Variants in DYNC1I1 observed in about 807,000 individuals in gnomAD.
DYNC1I1 encodes the protein dynein cytoplasmic 1 intermediate chain 1.
DYNC1I1 carries 43 observed loss-of-function variants against 86.6 expected under a neutral mutation model. The ratio of observed to expected loss-of-function variants is 0.50; its 90% confidence interval spans 0.39 to 0.64. The LOEUF is 0.64. Among genes scored for constraint, DYNC1I1 ranks in the 30% least tolerant of loss-of-function variants. The pLI is 0.00. For missense variants in DYNC1I1, 604 were observed against 788.8 expected (o/e 0.77, Z 2.81); for synonymous variants, 262 against 283.7 (o/e 0.92, Z 0.77).
intron 14 of DYNC1I1, among the ~76,000 whole-genome samples, chr7:96,062,329 T>A (rs747530991): frequency 2.0e-5 from 3 of 152,204 alleles, no homozygotes; most frequent in African/African-American, 7.2e-5. Flanking sequence ...GAGACAGACA[T>A]GTTTTGGTTG....
intron 14 of DYNC1I1, among the ~76,000 whole-genome samples, chr7:96,052,431 T>G (rs980198700): frequency 3.3e-5 from 5 of 152,132 alleles, no homozygotes; most frequent in Non-Finnish European, 5.9e-5. Flanking sequence ...GTTAGTACTC[T>G]CTAGCTGTGT....
At chr7:95,899,593 G>A (rs1385557849) in intron 6 of DYNC1I1, among the ~76,000 whole-genome samples, 1 of 152,190 alleles carries the variant, frequency 6.6e-6, no homozygotes, top group Admixed American at 6.5e-5. Context: ...CTTGAAAAAT[G>A]GAGATGGAGA....
chr7:95,793,116 A>G (rs1794348251), intron 1 of DYNC1I1, among the ~76,000 whole-genome samples: 1 of 152,162 alleles, frequency 6.6e-6, no homozygotes, highest in East Asian at 1.9e-4. Flanking sequence ...AGGACGTATC[A>G]TCAGGGCGCA....
intron 15 of DYNC1I1, 100 bp downstream of exon 15, chr7:96,076,297 C>T (rs1487360012): frequency 2.7e-6 from 4 of 1,491,732 alleles, no homozygotes; most frequent in Non-Finnish European, 3.6e-6. Flanking sequence ...CTTTTTTGGA[C>T]AGACCTTCCA....
chr7:96,063,215 G>C (rs1789844009), intron 14 of DYNC1I1, among the ~76,000 whole-genome samples: 1 of 151,878 alleles, frequency 6.6e-6, no homozygotes, highest in Non-Finnish European at 1.5e-5. Flanking sequence ...CGTAGTCATT[G>C]ATTGCAAAGG....
chr7:95,998,660 G>A (rs1793932317), intron 10 of DYNC1I1, among the ~76,000 whole-genome samples: 1 of 152,216 alleles, frequency 6.6e-6, no homozygotes, highest in African/African-American at 2.4e-5. Context: ...CTTAGAAAAA[G>A]GGCAGAGGTA....
chr7:95,791,718 A>G (rs10265425), intron 1 of DYNC1I1, among the ~76,000 whole-genome samples: 28,643 of 152,202 alleles, frequency 0.19, 2,817 homozygotes, highest in East Asian at 0.27. Flanking sequence ...ATTTTGCTAA[A>G]TCATCCTTTT....
chr7:95,890,057 A>G (rs139345776), intron 6 of DYNC1I1, among the ~76,000 whole-genome samples: 37 of 152,296 alleles, frequency 2.4e-4, no homozygotes, highest in African/African-American at 8.4e-4. Context: ...ATAGCGAAAA[A>G]CAGAACTACC....
At chr7:95,877,391 C>T (rs1790338931) in intron 6 of DYNC1I1, among the ~76,000 whole-genome samples, 1 of 152,104 alleles carries the variant, frequency 6.6e-6, no homozygotes, top group Non-Finnish European at 1.5e-5. Context: ...AGACCAGAAG[C>T]AATAGCAGTA....
At chr7:95,987,753 G>A (rs1412284691) in intron 9 of DYNC1I1, among the ~76,000 whole-genome samples, 2 of 152,132 alleles carry the variant, frequency 1.3e-5, no homozygotes, top group African/African-American at 4.8e-5. Flanking sequence ...ACACCAGACA[G>A]AGCCACTATT....
intron 4 of DYNC1I1, 56 bp downstream of exon 4, chr7:95,813,393 A>AAG (rs397780960): frequency 2.8e-5 from 42 of 1,512,448 alleles, no homozygotes; most frequent in Non-Finnish European, 3.2e-5. Context: ...AAAAAAAAAA[A>AAG]CAGCAACAAC....
At chr7:95,782,942 C>T (rs1206765507) in intron 1 of DYNC1I1, among the ~76,000 whole-genome samples, 1 of 152,200 alleles carries the variant, frequency 6.6e-6, no homozygotes, top group Non-Finnish European at 1.5e-5. Flanking sequence ...TTCTCTGGTG[C>T]TCCTCTCTGC....
intron 16 of DYNC1I1, among the ~76,000 whole-genome samples, chr7:96,086,658 T>C (rs1790688087): frequency 6.6e-6 from 1 of 152,182 alleles, no homozygotes; most frequent in African/African-American, 2.4e-5. Context: ...TTTCAATAAG[T>C]ATAATACATT....
intron 16 of DYNC1I1, among the ~76,000 whole-genome samples, chr7:96,105,647 A>G (rs775691551): frequency 2.6e-5 from 4 of 152,204 alleles, no homozygotes; most frequent in Non-Finnish European, 4.4e-5. Context: ...TTTTAGTAAC[A>G]TGATTATGCT....
At chr7:95,818,502 C>G in intron 4 of DYNC1I1, 1 of 612,048 alleles carries the variant, frequency 1.6e-6, no homozygotes, top group Non-Finnish European at 2.9e-6. Flanking sequence ...TTTGTAGAGA[C>G]GAAGCATTGC....
intron 5 of DYNC1I1, among the ~76,000 whole-genome samples, chr7:95,862,064 A>G (rs1789896980): frequency 6.6e-6 from 1 of 152,208 alleles, no homozygotes. Flanking sequence ...TAGAACACAG[A>G]CATAAATGTG....
rs61613941 is a variant in DYNC1I1 at position 95,947,445 on chromosome 7, C to A, written c.491-30067C>A. On this transcript the variant is annotated intron_variant, in intron 6 of 16. Transcript: ENST00000447467. ...ACATTTCATGAACCACTTTATGAAG[C>A]TTGTTTCCACCTCCACTTACCTTTC... Among the ~76,000 whole-genome samples, 458 of 152,298 alleles carry A rather than the reference C, an allele frequency of 3.0e-3. 2 individuals carry two copies. Among genetic ancestry groups the A allele is most frequent in the African/African-American group, 9.2e-3 (383 of 41,564 alleles).
chr7:96,032,596 G>A, intron 11 of DYNC1I1, 71 bp from the exon 12 acceptor site: 2 of 1,153,604 alleles, frequency 1.7e-6, no homozygotes, highest in Non-Finnish European at 2.6e-6. Context: ...TTAGAGTAAT[G>A]TGTTTGACAC....
At chr7:95,796,698 A>C (rs761861009) in intron 1 of DYNC1I1, among the ~76,000 whole-genome samples, 1 of 152,128 alleles carries the variant, frequency 6.6e-6, no homozygotes, top group Non-Finnish European at 1.5e-5. Context: ...TTATATAAAC[A>C]CTTAGCAAAA....
Sources: gnomAD v4.1 joint callset for allele counts (sites outside exome capture counted in the v4.1 genomes callset) on GRCh38, gnomAD v4.1.1 for gene constraint, MANE v1.5 for transcripts, NCBI Gene and HGNC (gene_info 2026-07-23, HGNC 2026-07-21) for gene names.